The following DENND1A variants were observed in gnomAD, a reference collection of about 807,000 sequenced individuals.
DENND1A encodes the protein DENN domain-containing protein 1A.
DENND1A carries 51 observed loss-of-function variants against 113.7 expected under a neutral mutation model. That is an observed-to-expected ratio of 0.45 (90% CI 0.36 to 0.57). The LOEUF (loss-of-function observed/expected upper bound fraction) is 0.57, where lower values mean the gene tolerates loss of function less well. Ranked by LOEUF, DENND1A falls within the 20% of genes least tolerant of loss-of-function variation. DENND1A has a pLI of 0.00. For missense variants in DENND1A, 1,258 were observed against 1,395.9 expected (o/e 0.90, Z 1.57); for synonymous variants, 565 against 570.8 (o/e 0.99, Z 0.14).
intron 13 of DENND1A, among the ~76,000 whole-genome samples, chr9:123,470,803 T>G (rs2049351489): frequency 6.6e-6 from 1 of 152,208 alleles, no homozygotes; most frequent in Non-Finnish European, 1.5e-5. Context: ...GTCCACATGA[T>G]TAATTGTCAG....
chr9:123,640,155 G>A (rs920112259), intron 9 of DENND1A, among the ~76,000 whole-genome samples: 1 of 152,192 alleles, frequency 6.6e-6, no homozygotes, highest in Non-Finnish European at 1.5e-5. Context: ...TTAAAATAGA[G>A]AGAGAAAGAT....
At chr9:123,756,590 G>C (rs1025048870) in intron 5 of DENND1A, among the ~76,000 whole-genome samples, 11 of 152,154 alleles carry the variant, frequency 7.2e-5, no homozygotes, top group African/African-American at 2.4e-4. Flanking sequence ...GTGCAGAAGA[G>C]AGTCGACTTC....
At chr9:123,587,439 G>A (rs894022530) in intron 11 of DENND1A, among the ~76,000 whole-genome samples, 7 of 152,188 alleles carry the variant, frequency 4.6e-5, no homozygotes, top group South Asian at 2.1e-4. Context: ...GAAACAGGAC[G>A]TGAAGCTAGA....
intron 5 of DENND1A, among the ~76,000 whole-genome samples, chr9:123,732,037 G>A (rs1440979722): frequency 1.3e-5 from 2 of 152,140 alleles, no homozygotes; most frequent in Non-Finnish European, 2.9e-5. Flanking sequence ...ACATAGAATA[G>A]CTAAAATGCT....
At position 123,403,471 on chromosome 9, in the gene DENND1A, T is replaced by C. The variant is rs1325890584; in HGVS notation, c.1562A>G (p.His521Arg). ...GTTGCTCTTTGGTCTCTTAACAACA[T>C]GTGGACGAGGTGGGCGCACCTAGAG... ...RSRPVRPPRP[H>R]VVKRPKSNIA... is the part of the protein sequence containing the mutation. Residue 521 changes from histidine to arginine, a missense_variant, in exon 21 of 24, where the codon CAT becomes CGT. His to Arg is a conservative substitution (Grantham distance 29). This residue lies in a region of DENND1A where 1,159 missense variants were observed against 1,231.7 expected (regional missense o/e 0.94). Coordinates refer to ENST00000394215, the MANE Select transcript of DENND1A (RefSeq NM_001352964.2). 1.9e-6 allele frequency: 3 copies of C among 1,614,106 alleles called. No individual in the cohort carries two copies. The highest frequency in any genetic ancestry group is 4.5e-5 in the East Asian group (2 of 44,882).
At chr9:123,689,282 C>T (rs1464015062) in intron 5 of DENND1A, among the ~76,000 whole-genome samples, 1 of 152,164 alleles carries the variant, frequency 6.6e-6, no homozygotes, top group African/African-American at 2.4e-5. Context: ...GCCTTGGCCT[C>T]CCAAAGTACT....
intron 12 of DENND1A, among the ~76,000 whole-genome samples, chr9:123,566,708 GT>G (rs2058071422): frequency 6.6e-6 from 1 of 152,078 alleles, no homozygotes; most frequent in East Asian, 1.9e-4. Flanking sequence ...CTCAGGAGGA[GT>G]CTTGCCCACA....
intron 5 of DENND1A, among the ~76,000 whole-genome samples, chr9:123,738,441 T>TTGTGTGTG (rs760641686): frequency 0.018 from 2,214 of 123,416 alleles, 22 homozygotes; most frequent in South Asian, 0.041. Flanking sequence ...TGTCAACAGC[T>TTGTGTGTG]TCTGTGTGTG....
chr9:123,513,509 C>T (rs950716585), intron 13 of DENND1A, among the ~76,000 whole-genome samples: 1 of 152,220 alleles, frequency 6.6e-6, no homozygotes, highest in Non-Finnish European at 1.5e-5. Context: ...ACATCTTTCC[C>T]TGGTTGCTAA....
intron 10 of DENND1A, among the ~76,000 whole-genome samples, chr9:123,610,063 C>T (rs2060343451): frequency 6.6e-6 from 1 of 152,178 alleles, no homozygotes; most frequent in African/African-American, 2.4e-5. Context: ...ACATGCCATC[C>T]CATGACACTA....
intron 15 of DENND1A, among the ~76,000 whole-genome samples, chr9:123,456,292 A>T (rs2048118142): frequency 2.0e-5 from 3 of 152,142 alleles, no homozygotes. Flanking sequence ...CAGCAATAAA[A>T]GGGGGCCAGC....
intron 10 of DENND1A, among the ~76,000 whole-genome samples, chr9:123,614,833 A>G (rs1480517065): frequency 1.3e-5 from 2 of 152,220 alleles, no homozygotes; most frequent in East Asian, 3.8e-4. Context: ...TACCCTGATC[A>G]GGCAAAGGGG....
At chr9:123,577,144 T>A (rs958951915) in intron 12 of DENND1A, among the ~76,000 whole-genome samples, 2 of 152,106 alleles carry the variant, frequency 1.3e-5, no homozygotes, top group African/African-American at 4.8e-5. Context: ...TGCTATAGGA[T>A]CACTGAGTTT....
At chr9:123,826,861 G>C (rs1258995646) in intron 2 of DENND1A, among the ~76,000 whole-genome samples, 1 of 151,902 alleles carries the variant, frequency 6.6e-6, no homozygotes, top group Non-Finnish European at 1.5e-5. Flanking sequence ...AACTGATGAT[G>C]GTACAAAGCA....
intron 13 of DENND1A, 51 bp downstream of exon 13, chr9:123,557,519 C>G: frequency 6.3e-7 from 1 of 1,594,818 alleles, no homozygotes; most frequent in Non-Finnish European, 8.6e-7. Flanking sequence ...CTGAGGTATG[C>G]TTCTCAGCCC....
intron 13 of DENND1A, among the ~76,000 whole-genome samples, chr9:123,516,912 A>AAAAAAAAAAAAAAAAC (rs2053972391): frequency 8.6e-6 from 1 of 116,212 alleles, no homozygotes; most frequent in Admixed American, 9.6e-5. Flanking sequence ...AAAAAAAAAA[A>AAAAAAAAAAAAAAAAC]AAAAAAAGAA....
chr9:123,781,455 T>C (rs1158652185), intron 3 of DENND1A, among the ~76,000 whole-genome samples: 1 of 152,162 alleles, frequency 6.6e-6, no homozygotes, highest in Admixed American at 6.5e-5. Context: ...AGGCTCTTTA[T>C]CTACAGGAAG....
intron 9 of DENND1A, among the ~76,000 whole-genome samples, chr9:123,648,390 T>C (rs1418328243): frequency 6.6e-6 from 1 of 152,202 alleles, no homozygotes; most frequent in Non-Finnish European, 1.5e-5. Flanking sequence ...ATCACTGTAG[T>C]TTTAATGTGC....
intron 18 of DENND1A, among the ~76,000 whole-genome samples, chr9:123,443,721 G>C (rs1564498588): frequency 6.6e-6 from 1 of 152,220 alleles, no homozygotes; most frequent in Non-Finnish European, 1.5e-5. Flanking sequence ...TTAGGGGGTC[G>C]AGGTGGAAGG....
Sources: allele counts gnomAD v4.1 joint callset (sites outside exome capture counted in the v4.1 genomes callset), GRCh38; gene constraint gnomAD v4.1.1; regional missense constraint gnomAD v4.1.1; transcripts MANE v1.5; gene names NCBI Gene and HGNC (gene_info 2026-07-23, HGNC 2026-07-21).